The following CA5B variants were observed in gnomAD, a reference collection of about 807,000 sequenced individuals.
CA5B encodes the protein carbonic anhydrase 5B.
A neutral mutation model predicts 23.1 loss-of-function variants in CA5B; 15 were observed. That is an observed-to-expected ratio of 0.65 (90% CI 0.43 to 1.00). CA5B has a LOEUF of 1.00. Ranked by LOEUF, CA5B falls within the 50% of genes least tolerant of loss-of-function variation. The pLI, the probability that CA5B is intolerant of heterozygous loss-of-function variation, is 0.00. For synonymous variants in CA5B, 84 were observed against 98.5 expected (o/e 0.85, Z 0.87); for missense variants, 236 against 252.2 (o/e 0.94, Z 0.43).
chrX:15,772,331 G>A (rs73202838), intron 3 of CA5B, among the ~76,000 whole-genome samples, 165 bp from the exon 4 acceptor site: 12 of 112,145 alleles, frequency 1.1e-4, no homozygotes, highest in Non-Finnish European at 2.1e-4. Flanking sequence ...GTCCTTATAC[G>A]TGCATTGACT....
At chrX:15,780,580 C>T (rs1439340332) in intron 7 of CA5B, among the ~76,000 whole-genome samples, 1 of 111,906 alleles carries the variant, frequency 8.9e-6, no homozygotes, top group Non-Finnish European at 1.9e-5. Flanking sequence ...CTGCATGGAA[C>T]ATTTTATAGA....
At position 15,786,139 on chromosome X, in the gene CA5B, T is replaced by A. The variant is rs1231779038; in HGVS notation, c.*3475T>A. The A allele has an allele frequency of 1.8e-5, 2 of 112,488 alleles. No individual in the cohort carries two copies. The highest frequency in any genetic ancestry group is 6.5e-5 in the African/African-American group (2 of 30,926). 9.3% of individuals were successfully genotyped at this position (112,488 alleles called of 1,213,427 possible). On this transcript the variant is annotated 3_prime_UTR_variant, in exon 8 of 8. Transcript: ENST00000318636. ...TCTTGGCCTCCCAAAGTGCTGGGAT[T>A]ACAGGTGTGAGCCACTGTGCCTGGC...
chrX:15,747,857 C>T (rs764636388), intron 1 of CA5B, among the ~76,000 whole-genome samples: 10 of 109,948 alleles, frequency 9.1e-5, no homozygotes, highest in Non-Finnish European at 1.9e-4. Context: ...GGGACACACA[C>T]GTGGAGTTCA....
rs1238584772 is a variant in CA5B, at chrX:15,787,951, G to A, written c.*5287G>A. ...ACTTATTGTTCTGAAGTGAAAGTCTGGTCTGATTCAGAAGAAATGTTACAA... is the reference window on the plus strand; with the variant it reads ...ACTTATTGTTCTGAAGTGAAAGTCTAGTCTGATTCAGAAGAAATGTTACAA... On this transcript the variant is annotated 3_prime_UTR_variant, in exon 8 of 8. Transcript: ENST00000318636. 8.9e-6 allele frequency: 1 copy of A among 112,450 alleles called. No individual in the cohort carries two copies. The highest frequency in any genetic ancestry group is 2.8e-4 in the East Asian group (1 of 3,594). 9.3% of individuals were successfully genotyped at this position (112,450 alleles called of 1,213,427 possible).
chrX:15,767,785 T>G (rs1931739321), intron 3 of CA5B, among the ~76,000 whole-genome samples: 1 of 108,568 alleles, frequency 9.2e-6, no homozygotes, highest in African/African-American at 3.4e-5. Flanking sequence ...AGACAGGGTT[T>G]CACCATGTTG....
At chrX:15,766,913 G>C (rs1209932184) in intron 3 of CA5B, 5 of 331,436 alleles carry the variant, frequency 1.5e-5, no homozygotes, top group Admixed American at 3.1e-5. Context: ...AAACTCTAGA[G>C]TGTGCCCCCT....
At position 15,782,785 on chromosome X, in the gene CA5B, G is replaced by C; in HGVS notation, c.*121G>C. On this transcript the variant is annotated 3_prime_UTR_variant, in exon 8 of 8. Transcript: ENST00000318636. ...AATATTTACAGATGTGCATTTCTTA[G>C]CATGAGAGTGCTTCATCAGTCTTTG... 1.9e-6 allele frequency: 1 copy of C among 519,184 alleles called. No homozygotes were observed. Among genetic ancestry groups the C allele is most frequent in the Non-Finnish European group, 3.0e-6 (1 of 329,358 alleles). The allele number at this position is 519,184 out of a possible 1,213,427, so 42.8% of individuals were successfully genotyped here.
chrX:15,753,205 T>C (rs1206594504), intron 2 of CA5B, among the ~76,000 whole-genome samples: 1 of 112,535 alleles, frequency 8.9e-6, no homozygotes, highest in Admixed American at 9.4e-5. Context: ...TCTTCAAATA[T>C]TTTACAGAGT....
At chrX:15,772,808 G>A (rs771427291) in intron 4 of CA5B, among the ~76,000 whole-genome samples, 194 bp downstream of exon 4, 21 of 112,202 alleles carry the variant, frequency 1.9e-4, no homozygotes, top group South Asian at 7.3e-4. Context: ...TAGTTGAAAT[G>A]AACCTTAAGA....
At chrX:15,768,374 G>A (rs917593330) in intron 3 of CA5B, among the ~76,000 whole-genome samples, 3 of 111,045 alleles carry the variant, frequency 2.7e-5, no homozygotes, top group African/African-American at 9.8e-5. Context: ...CAACGTTTTT[G>A]TCATAATAGC....
chrX:15,773,337 G>A (rs1228660655), intron 4 of CA5B, among the ~76,000 whole-genome samples: 1 of 108,513 alleles, frequency 9.2e-6, no homozygotes. Flanking sequence ...ACGGTTCACT[G>A]CAGCCTCGAC....
At chrX:15,778,209 G>C (rs762397026) in intron 7 of CA5B, among the ~76,000 whole-genome samples, 1 of 111,546 alleles carries the variant, frequency 9.0e-6, no homozygotes, top group Non-Finnish European at 1.9e-5. Context: ...ACAAAAGAAG[G>C]CTTGAATTAA....
intron 3 of CA5B, among the ~76,000 whole-genome samples, chrX:15,772,165 T>C (rs991604965): frequency 8.9e-6 from 1 of 112,196 alleles, no homozygotes; most frequent in African/African-American, 3.2e-5. Flanking sequence ...TATTATAAAG[T>C]CATGTTGGAT....
At chrX:15,761,793 G>A (rs1931607895) in intron 2 of CA5B, among the ~76,000 whole-genome samples, 1 of 111,086 alleles carries the variant, frequency 9.0e-6, no homozygotes, top group African/African-American at 3.3e-5. Context: ...GATGTCACTA[G>A]CACCCTCTCC....
intron 2 of CA5B, among the ~76,000 whole-genome samples, chrX:15,751,380 A>C (rs1168886381): frequency 8.9e-6 from 1 of 111,964 alleles, no homozygotes; most frequent in Non-Finnish European, 1.9e-5. Flanking sequence ...TTCAACATTG[A>C]CTGTGTTCTT....
rs1483526650 is a variant in CA5B at position 15,763,702 on chromosome X, T to G, written c.143-876T>G. On this transcript the variant is annotated intron_variant, in intron 2 of 7. Coordinates refer to ENST00000318636, the MANE Select transcript of CA5B (RefSeq NM_007220.4). Reference sequence around the variant, plus strand: ...TTATTAGTGGAAATTGCTCACATGATTATAGAGGCTGGGAAGTCCCATGAC... The same window carrying G: ...TTATTAGTGGAAATTGCTCACATGAGTATAGAGGCTGGGAAGTCCCATGAC... Among the ~76,000 whole-genome samples, 4 of 112,051 alleles carry G rather than the reference T, an allele frequency of 3.6e-5. No homozygotes were observed. The East Asian group carries it at 1.1e-3, about 31-fold the overall frequency.
chrX:15,782,880 C>A lies in CA5B; in HGVS notation c.*216C>A. On this transcript the variant is annotated 3_prime_UTR_variant, in exon 8 of 8. Transcript: ENST00000318636. ...AGATACCTGTTGGTAATTGTAATGC[C>A]TTTTTTTTTTCTTTAAGAGACTAGG... is the stretch of plus-strand genomic sequence containing the variant. The A allele has an allele frequency of 3.3e-6, 1 of 306,102 alleles. No homozygotes were observed. The highest frequency in any genetic ancestry group is 5.6e-6 in the Non-Finnish European group (1 of 177,286). The allele number at this position is 306,102 out of a possible 1,213,427, so 25.2% of individuals were successfully genotyped here. A position where few individuals can be genotyped will look rare whatever the true frequency, so the allele number is the denominator to read the frequency against.
chrX:15,757,707 CAAAA>C (rs757235598), intron 2 of CA5B, among the ~76,000 whole-genome samples: 1 of 45,833 alleles, frequency 2.2e-5, no homozygotes, highest in Admixed American at 2.7e-4. Flanking sequence ...GACTCCATCT[CAAAA>C]AAAAAAAAAA....
chrX:15,746,884 C>T (rs564126335), intron 1 of CA5B, among the ~76,000 whole-genome samples: 2 of 111,213 alleles, frequency 1.8e-5, no homozygotes, highest in Admixed American at 1.9e-4. Flanking sequence ...ATATCTCAAG[C>T]GCTGATCTTA....
Sources: allele counts gnomAD v4.1 joint callset (sites outside exome capture counted in the v4.1 genomes callset), GRCh38; gene constraint gnomAD v4.1.1; transcripts MANE v1.5; gene names NCBI Gene and HGNC (gene_info 2026-07-23, HGNC 2026-07-21).